The following MAN1B1 variants were observed in gnomAD, a reference collection of about 807,000 sequenced individuals.
The protein encoded by MAN1B1 is mannosidase alpha class 1B member 1, also known as endoplasmic reticulum mannosyl-oligosaccharide 1,2-alpha-mannosidase.
Under a neutral mutation model 75.5 loss-of-function variants are expected in MAN1B1, and 66 were observed. The ratio of observed to expected loss-of-function variants is 0.87; its 90% CI spans 0.72 to 1.07. The LOEUF is 1.07. Among genes scored for constraint, MAN1B1 ranks in the 50% least tolerant of loss-of-function variants. MAN1B1 has a pLI of 0.00. For missense variants in MAN1B1, 973 were observed against 912.5 expected, an observed-to-expected ratio of 1.07 and a Z score of -0.85; for synonymous variants, 453 against 382.8, an observed-to-expected ratio of 1.18 and a Z score of -2.14.
At chr9:137,105,754 C>T (rs1831070721) in intron 8 of MAN1B1, 1 of 420,594 alleles carries the variant, frequency 2.4e-6, no homozygotes. Context: ...GGCAGGCACA[C>T]TTGCCGTCCC....
At chr9:137,088,828 C>G in intron 2 of MAN1B1, 41 bp from the exon 3 acceptor site, 1 of 1,611,098 alleles carries the variant, frequency 6.2e-7, no homozygotes, top group Non-Finnish European at 8.5e-7. Flanking sequence ...CTCTTGTAGG[C>G]CTTGTGGCAT....
rs1207278747 is a variant in MAN1B1, at chr9:137,088,854, G to C, written c.329-15G>C. The C allele has an allele frequency of 6.2e-7, 1 of 1,613,676 alleles. No individual in the cohort carries two copies. The highest frequency in any genetic ancestry group is 2.2e-5 in the East Asian group (1 of 44,884). On this transcript the variant is annotated splice_polypyrimidine_tract_variant and intron_variant, in intron 2 of 12. Transcript: ENST00000371589. Reference sequence around the variant, plus strand: ...CTTGTGGCATATTTGAAATAAAATAGCTTCTGTTATTCAGCTCTGGCTTTC... The same window carrying C: ...CTTGTGGCATATTTGAAATAAAATACCTTCTGTTATTCAGCTCTGGCTTTC...
rs1830793616 is a variant in MAN1B1 at position 137,101,032 on chromosome 9, CGAA to C, written c.949_951del (p.Lys317del). 6.2e-7 allele frequency: 1 copy of C among 1,614,140 alleles called. No individual in the cohort carries two copies. Among genetic ancestry groups the C allele is most frequent in the Non-Finnish European group, 8.5e-7 (1 of 1,180,026 alleles). On this transcript the variant is annotated inframe_deletion, in exon 7 of 13. Transcript: ENST00000371589. ...TTTGAGGAAGCCAGGAAGTGGGTGT[CGAA>C]GAAGTTACACTTTGAAAAGGACGTG...
rs150337454 is a variant in MAN1B1 at position 137,090,664 on chromosome 9, C to T, written c.465+1659C>T. Among the ~76,000 whole-genome samples, 724 of 152,118 alleles carry T rather than the reference C, an allele frequency of 4.8e-3. 4 individuals are homozygous for T. Among genetic ancestry groups the T allele is most frequent in the East Asian group, 9.1e-3 (47 of 5,182 alleles). On this transcript the variant is annotated intron_variant, in intron 3 of 12. Coordinates refer to ENST00000371589, the MANE Select transcript of MAN1B1 (RefSeq NM_016219.5). ...AAGTGATTCTCCTGCCTCAGCTTCC[C>T]GAGTAGCTGGGATTACAGGCGCCCG...
Position 137,096,385 on chromosome 9 carries a change from T to C in MAN1B1, c.614T>C (p.Val205Ala). The C allele has an allele frequency of 6.2e-7, 1 of 1,613,572 alleles. No homozygotes were observed. The highest frequency in any genetic ancestry group is 8.5e-7 in the Non-Finnish European group (1 of 1,179,896). The change falls in exon 4 of 13, where the codon GTC (valine) becomes GCC (alanine). Residue 205 changes from valine (V) to alanine (A), a missense_variant. Val to Ala is a moderately conservative substitution (Grantham distance 64). Coordinates refer to ENST00000371589, the MANE Select transcript of MAN1B1 (RefSeq NM_016219.5). ...CCGGAAGGAGATCCGCAGAGGACAG[T>C]CATCAGGTACAGAGCGCAGGGCAGG... ...PRPEGDPQRTVISWRGAVIEP... is the reference protein window; with the variant it reads ...PRPEGDPQRTAISWRGAVIEP...
chr9:137,105,291 C>T (rs1472337022), intron 8 of MAN1B1: 2 of 154,902 alleles, frequency 1.3e-5, no homozygotes, highest in African/African-American at 4.8e-5. Context: ...ACACAGCCCT[C>T]TTTAGAGCAA....
At chr9:137,092,631 TA>T (rs1360276592) in intron 3 of MAN1B1, among the ~76,000 whole-genome samples, 6 of 152,382 alleles carry the variant, frequency 3.9e-5, no homozygotes, top group African/African-American at 1.4e-4. Flanking sequence ...TATTAAGAGT[TA>T]AAGGTTGTGA....
chr9:137,089,208 G>C, intron 3 of MAN1B1: 1 of 673,108 alleles, frequency 1.5e-6, no homozygotes, highest in Non-Finnish European at 2.6e-6. Context: ...GCCATGGCCA[G>C]TTCCGGTTTT....
At chr9:137,101,976 C>T in intron 8 of MAN1B1, 1 of 550,226 alleles carries the variant, frequency 1.8e-6, no homozygotes, top group Non-Finnish European at 3.4e-6. Context: ...TACACACATG[C>T]TGTTGCAGGA....
intron 4 of MAN1B1, among the ~76,000 whole-genome samples, chr9:137,096,888 C>T (rs986919586): frequency 3.9e-5 from 6 of 152,216 alleles, no homozygotes; most frequent in Admixed American, 1.3e-4. Flanking sequence ...CTCTTAGAAA[C>T]GGAGTTGATT....
chr9:137,102,696 A>G (rs1830895044), intron 8 of MAN1B1: 1 of 432,512 alleles, frequency 2.3e-6, no homozygotes, highest in Admixed American at 2.6e-5. Flanking sequence ...GCAGACATGC[A>G]GGTCGGTGCT....
intron 3 of MAN1B1, among the ~76,000 whole-genome samples, chr9:137,092,378 A>G (rs573866864): frequency 6.7e-6 from 1 of 149,846 alleles, no homozygotes; most frequent in Non-Finnish European, 1.5e-5. Context: ...GGATAAACAC[A>G]TGTATACATC....
At chr9:137,094,517 A>G (rs1830601411) in intron 3 of MAN1B1, 1 of 255,632 alleles carries the variant, frequency 3.9e-6, no homozygotes, top group Non-Finnish European at 8.2e-6. Flanking sequence ...AGGCAGGCAG[A>G]TTGCTTGAAT....
chr9:137,098,548 C>T (rs1383139046), intron 5 of MAN1B1, among the ~76,000 whole-genome samples: 2 of 152,198 alleles, frequency 1.3e-5, no homozygotes, highest in Non-Finnish European at 2.9e-5. Flanking sequence ...AGAGCCAGGA[C>T]TCCCAGCCCC....
intron 3 of MAN1B1, among the ~76,000 whole-genome samples, chr9:137,089,689 G>A (rs1830469404): frequency 6.6e-6 from 1 of 152,214 alleles, no homozygotes; most frequent in South Asian, 2.1e-4. Context: ...GCTCTGGCTG[G>A]GTGGAGACAC....
rs1831208259 is a variant in MAN1B1 at position 137,108,717 on chromosome 9, GCTC to G, written c.*133_*135del. ...GGCCCAGGCTCTGAACTGGCTCTGG[GCTC>G]CTCCTCGTCTCTGCTTTAATCAGGA... On this transcript the variant is annotated 3_prime_UTR_variant, in exon 13 of 13. Transcript: ENST00000371589. 7 of 858,060 alleles carry G rather than the reference GCTC, an allele frequency of 8.2e-6. No individual in the cohort carries two copies. Among genetic ancestry groups the G allele is most frequent in the Non-Finnish European group, 1.4e-5 (7 of 509,512 alleles). The allele number at this position is 858,060 out of a possible 1,614,324, so 53.2% of individuals were successfully genotyped here. A position where few individuals can be genotyped will look rare whatever the true frequency, so the allele number is the denominator to read the frequency against.
chr9:137,103,954 G>A (rs915773831), intron 8 of MAN1B1: 28 of 437,338 alleles, frequency 6.4e-5, no homozygotes, highest in South Asian at 2.9e-4. Context: ...CGTGCAGGTC[G>A]GTGGTGTTGC....
Position 137,106,076 on chromosome 9 carries a change from T to C in MAN1B1, c.1255-49T>C, listed in dbSNP as rs374408786. 1,529 of 1,491,666 alleles carry C rather than the reference T, an allele frequency of 1.0e-3. 1 individual carries two copies. Among genetic ancestry groups the C allele is most frequent in the Non-Finnish European group, 1.2e-3 (1,247 of 1,073,748 alleles). The allele number at this position is 1,491,666 out of a possible 1,614,324, so 92.4% of individuals were successfully genotyped here. ...CACAGAGCCCCTCTACAGCTCACCCTGCAGCTCGGCCCTGGCCAGTAAACC... is the reference window on the plus strand; with the variant it reads ...CACAGAGCCCCTCTACAGCTCACCCCGCAGCTCGGCCCTGGCCAGTAAACC... On this transcript the variant is annotated intron_variant, in intron 8 of 12. Coordinates refer to ENST00000371589, the MANE Select transcript of MAN1B1 (RefSeq NM_016219.5).
chr9:137,106,916 G>C (rs555486360), intron 10 of MAN1B1, 107 bp downstream of exon 10: 10 of 1,482,370 alleles, frequency 6.7e-6, no homozygotes, highest in African/African-American at 1.4e-5. Context: ...TGGCGCCCAC[G>C]TGGAGGCCCT....
Sources: allele counts gnomAD v4.1 joint callset (sites outside exome capture counted in the v4.1 genomes callset), GRCh38; gene constraint gnomAD v4.1.1; transcripts MANE v1.5; gene names NCBI Gene and HGNC (gene_info 2026-07-23, HGNC 2026-07-21).